LRRC4C: variants seen among roughly 807,000 people sequenced by gnomAD.
LRRC4C encodes the protein leucine rich repeat containing 4C, also known as leucine-rich repeat-containing protein 4C.
A neutral mutation model predicts 33.6 loss-of-function variants in LRRC4C; 5 were observed. The ratio of observed to expected loss-of-function variants is 0.15; its 90% CI spans 0.08 to 0.31. The LOEUF (loss-of-function observed/expected upper bound fraction) is 0.31, where lower values mean the gene tolerates loss of function less well. Among genes scored for constraint, LRRC4C ranks in the 10% least tolerant of loss-of-function variants. The pLI, the probability that LRRC4C is intolerant of heterozygous loss-of-function variation, is 1.00. For synonymous variants in LRRC4C, 329 were observed against 302.0 expected, an observed-to-expected ratio of 1.09 and a Z score of -0.93; for missense variants, 560 against 796.7, an observed-to-expected ratio of 0.70 and a Z score of 3.58.
chr11:40,990,911 AT>A (rs1853499503), intron 1 of LRRC4C, among the ~76,000 whole-genome samples: 1 of 151,828 alleles, frequency 6.6e-6, no homozygotes, highest in African/African-American at 2.4e-5. Flanking sequence ...AAGTACAAAG[AT>A]TTTTTTCTGA....
intron 1 of LRRC4C, among the ~76,000 whole-genome samples, chr11:41,166,175 C>A (rs1410961620): frequency 6.6e-6 from 1 of 151,774 alleles, no homozygotes; most frequent in Non-Finnish European, 1.5e-5. Flanking sequence ...AAACAAGGTG[C>A]TCCATATTAA....
chr11:40,840,021 ATATT>A (rs1214783802), intron 2 of LRRC4C, among the ~76,000 whole-genome samples: 1 of 152,200 alleles, frequency 6.6e-6, no homozygotes, highest in Non-Finnish European at 1.5e-5. Flanking sequence ...GAAAATGGAA[ATATT>A]ATTCTTTCAA....
intron 3 of LRRC4C, among the ~76,000 whole-genome samples, chr11:40,394,103 G>A (rs1425107077): frequency 1.3e-5 from 2 of 152,190 alleles, no homozygotes; most frequent in Middle Eastern, 3.4e-3. Context: ...ACATAGTCTT[G>A]TTTAGATAAT....
chr11:40,237,505 C>T (rs143709442), intron 5 of LRRC4C, among the ~76,000 whole-genome samples: 2,587 of 152,188 alleles, frequency 0.017, 36 homozygotes, highest in Non-Finnish European at 0.027. Context: ...GACAAGGTCG[C>T]GGTATGGATT....
intron 3 of LRRC4C, among the ~76,000 whole-genome samples, chr11:40,409,028 C>T (rs1034623689): frequency 7.2e-5 from 11 of 151,926 alleles, no homozygotes; most frequent in Non-Finnish European, 2.9e-5. Flanking sequence ...CTACAGCAAT[C>T]GAAACAGCTC....
At chr11:40,536,094 C>T (rs1315875993) in intron 3 of LRRC4C, among the ~76,000 whole-genome samples, 1 of 152,140 alleles carries the variant, frequency 6.6e-6, no homozygotes, top group Non-Finnish European at 1.5e-5. Context: ...TGTCTTTTTC[C>T]CACAGCATCA....
chr11:40,140,003 G>A (rs943117352), intron 6 of LRRC4C, among the ~76,000 whole-genome samples: 1 of 152,162 alleles, frequency 6.6e-6, no homozygotes, highest in Non-Finnish European at 1.5e-5. Flanking sequence ...AGACAAACAT[G>A]TAGTTTTCCA....
rs1858291819 is a variant in LRRC4C at position 40,152,349 on chromosome 11, C to T, written c.-95-11496G>A. Among the ~76,000 whole-genome samples the T allele has an allele frequency of 4.6e-5, 7 of 152,266 alleles. No individual in the cohort carries two copies. The South Asian group carries it at 1.4e-3, about 32-fold the overall frequency. ...CATTCCTGCCTGGCACCACGGGGAT[C>T]CACTGGGAGGGTGGCAGGGGGTAAA... On this transcript the variant is annotated intron_variant, in intron 5 of 6. Coordinates refer to ENST00000528697, the MANE Select transcript of LRRC4C (RefSeq NM_001258419.2).
At chr11:41,036,588 C>T (rs1857081867) in intron 1 of LRRC4C, among the ~76,000 whole-genome samples, 1 of 152,134 alleles carries the variant, frequency 6.6e-6, no homozygotes, top group South Asian at 2.1e-4. Flanking sequence ...TTTTGTTTCT[C>T]TTTGTCTTAA....
intron 1 of LRRC4C, among the ~76,000 whole-genome samples, chr11:41,194,014 T>G (rs984329537): frequency 1.3e-5 from 2 of 152,026 alleles, no homozygotes; most frequent in African/African-American, 4.8e-5. Flanking sequence ...GTGCCACCCT[T>G]GAGACAGTAA....
At chr11:41,220,005 T>A (rs1007649822) in intron 1 of LRRC4C, among the ~76,000 whole-genome samples, 18 of 152,156 alleles carry the variant, frequency 1.2e-4, no homozygotes, top group Admixed American at 3.9e-4. Flanking sequence ...TGACCTGGAA[T>A]TTTTTAAAAT....
chr11:40,980,107 A>G (rs1852406984), intron 1 of LRRC4C, among the ~76,000 whole-genome samples: 1 of 152,196 alleles, frequency 6.6e-6, no homozygotes, highest in African/African-American at 2.4e-5. Flanking sequence ...CATTCATTCA[A>G]GCTACAGACA....
At position 40,460,839 on chromosome 11, in the gene LRRC4C, A is replaced by G. The variant is rs115745999; in HGVS notation, c.-269-141118T>C. ...GAGTGACTAAATGACTGACTGAATA[A>G]ATAAATGAATGTGGAAAGCCTTCAT... is the stretch of plus-strand genomic sequence containing the variant. On this transcript the variant is annotated intron_variant, in intron 3 of 6. Coordinates refer to ENST00000528697, the MANE Select transcript of LRRC4C (RefSeq NM_001258419.2). Among the ~76,000 whole-genome samples the G allele has an allele frequency of 2.0e-3, 302 of 152,276 alleles. 1 individual carries two copies. The highest frequency in any genetic ancestry group is 7.0e-3 in the African/African-American group (290 of 41,570).
chr11:40,289,999 C>A (rs1944084965), intron 4 of LRRC4C, among the ~76,000 whole-genome samples: 1 of 151,962 alleles, frequency 6.6e-6, no homozygotes, highest in Non-Finnish European at 1.5e-5. Flanking sequence ...TGCTTTCAGA[C>A]CTAATTAGAG....
chr11:41,427,540 T>C (rs77572560), intron 1 of LRRC4C, among the ~76,000 whole-genome samples: 5,877 of 152,216 alleles, frequency 0.039, 397 homozygotes, highest in African/African-American at 0.13. Context: ...AGAAGAGATA[T>C]TTAAGCCAAG....
At chr11:40,500,473 T>G (rs1231894512) in intron 3 of LRRC4C, among the ~76,000 whole-genome samples, 1 of 151,606 alleles carries the variant, frequency 6.6e-6, no homozygotes, top group Admixed American at 6.6e-5. Context: ...GGAAGAAAAA[T>G]CAGTTTAATG....
intron 2 of LRRC4C, among the ~76,000 whole-genome samples, chr11:40,830,375 T>C (rs1952357829): frequency 6.6e-6 from 1 of 152,106 alleles, no homozygotes; most frequent in Admixed American, 6.6e-5. Flanking sequence ...TATCAACTAC[T>C]GACTGTTCCT....
intron 3 of LRRC4C, among the ~76,000 whole-genome samples, chr11:40,453,181 T>TA (rs34916679): frequency 0.36 from 54,779 of 151,890 alleles, 10,396 homozygotes; most frequent in East Asian, 0.52. Context: ...TAAAGTATAA[T>TA]AAAAAAATGT....
At chr11:41,021,568 A>C (rs1855987548) in intron 1 of LRRC4C, among the ~76,000 whole-genome samples, 2 of 152,116 alleles carry the variant, frequency 1.3e-5, no homozygotes, top group South Asian at 4.1e-4. Flanking sequence ...TATAACGTTC[A>C]AATCTATTAT....
Sources: allele counts gnomAD v4.1 joint callset (sites outside exome capture counted in the v4.1 genomes callset), GRCh38; gene constraint gnomAD v4.1.1; transcripts MANE v1.5; gene names NCBI Gene and HGNC (gene_info 2026-07-23, HGNC 2026-07-21).